SH3D19: variants seen among roughly 807,000 people sequenced by gnomAD.
SH3D19 encodes the protein SH3 domain containing 19.
Under a neutral mutation model 112.1 loss-of-function variants are expected in SH3D19, and 58 were observed. The observed-to-expected ratio is 0.52, with a 90% confidence interval of 0.42 to 0.64. The LOEUF (loss-of-function observed/expected upper bound fraction) is 0.64, where lower values mean the gene tolerates loss of function less well. SH3D19 is among the 30% of genes least tolerant of loss of function. SH3D19 has a pLI of 0.00. For missense variants in SH3D19, 1,090 were observed against 1,263.4 expected (o/e 0.86, Z 2.08); for synonymous variants, 391 against 448.5 (o/e 0.87, Z 1.62).
chr4:151,192,354 T>C (rs1762795954), intron 2 of SH3D19, among the ~76,000 whole-genome samples: 1 of 152,186 alleles, frequency 6.6e-6, no homozygotes, highest in Non-Finnish European at 1.5e-5. Context: ...TGCCTATCTT[T>C]TGGCTTGTTG....
intron 1 of SH3D19, chr4:151,300,670 G>A (rs1343770648): frequency 6.6e-6 from 1 of 151,684 alleles, no homozygotes; most frequent in East Asian, 1.9e-4. Context: ...GAGGTATAAT[G>A]TACAAACCAC....
At chr4:151,216,204 G>A (rs549621569) in intron 2 of SH3D19, among the ~76,000 whole-genome samples, 9 of 152,326 alleles carry the variant, frequency 5.9e-5, no homozygotes, top group Non-Finnish European at 7.3e-5. Flanking sequence ...AGGTGATTGA[G>A]CTAATGAATG....
In SH3D19 at chr4:151,325,359, G is replaced by C. The variant is rs1326093951; in HGVS notation, c.-7C>G. On this transcript the variant is annotated 5_prime_UTR_variant, in exon 1 of 20. Transcript: ENST00000604030. ...GCCGCCGGCCCTCAGCCATGGGCGA[G>C]GCGCGGGGCGCAGCCGCGGGATGGC... 1 of 1,202,236 alleles carries C rather than the reference G, an allele frequency of 8.3e-7. No individual in the cohort carries two copies. Among genetic ancestry groups the C allele is most frequent in the Admixed American group, 4.4e-5 (1 of 22,788 alleles). 74.5% of individuals were successfully genotyped at this position (1,202,236 alleles called of 1,614,324 possible).
intron 1 of SH3D19, among the ~76,000 whole-genome samples, chr4:151,242,432 A>C (rs1178496949): frequency 6.6e-6 from 1 of 152,168 alleles, no homozygotes; most frequent in Non-Finnish European, 1.5e-5. Context: ...TGAAGTTCTT[A>C]GGGGATAAAT....
chr4:151,262,705 T>TCTCTCTCTCG, intron 1 of SH3D19: 1 of 150,974 alleles, frequency 6.6e-6, no homozygotes, highest in South Asian at 2.1e-4. Context: ...TCTCTCTCTC[T>TCTCTCTCTCG]CTCTCTGGGC....
At chr4:151,270,352 A>T (rs1465237110) in intron 1 of SH3D19, among the ~76,000 whole-genome samples, 4 of 152,044 alleles carry the variant, frequency 2.6e-5, no homozygotes, top group African/African-American at 9.7e-5. Flanking sequence ...CATTAAGTGT[A>T]TGGCACCTCC....
At chr4:151,158,147 G>A (rs1756474650) in intron 9 of SH3D19, among the ~76,000 whole-genome samples, 1 of 152,120 alleles carries the variant, frequency 6.6e-6, no homozygotes, top group Non-Finnish European at 1.5e-5. Flanking sequence ...TTACTACCCT[G>A]ATCTGATCCC....
At chr4:151,311,576 C>G (rs1367262097) in intron 1 of SH3D19, among the ~76,000 whole-genome samples, 1 of 152,026 alleles carries the variant, frequency 6.6e-6, no homozygotes. Context: ...TAGTGCCTCA[C>G]GCCTGTAATC....
At chr4:151,270,021 C>A (rs748706670) in intron 1 of SH3D19, among the ~76,000 whole-genome samples, 14 of 151,986 alleles carry the variant, frequency 9.2e-5, no homozygotes, top group Non-Finnish European at 2.1e-4. Flanking sequence ...TTGCAGAATA[C>A]TTCCTGACAG....
chr4:151,169,213 T>A (rs552518884), intron 7 of SH3D19, among the ~76,000 whole-genome samples: 14 of 152,360 alleles, frequency 9.2e-5, no homozygotes, highest in Non-Finnish European at 1.5e-4. Flanking sequence ...CTCATTTTTT[T>A]AATTTTTAAT....
chr4:151,238,004 CT>C (rs1166309444), intron 1 of SH3D19, among the ~76,000 whole-genome samples: 9 of 152,200 alleles, frequency 5.9e-5, no homozygotes, highest in African/African-American at 2.2e-4. Flanking sequence ...CATTTTCCCA[CT>C]GTAGCCTCTG....
chr4:151,264,024 T>TG (rs942974566), intron 1 of SH3D19, among the ~76,000 whole-genome samples: 50 of 152,158 alleles, frequency 3.3e-4, no homozygotes, highest in Admixed American at 2.0e-3. Context: ...AGGGTGGTCT[T>TG]GAACTCCTGA....
At chr4:151,232,587 T>C (rs1040845500) in intron 1 of SH3D19, among the ~76,000 whole-genome samples, 1 of 152,186 alleles carries the variant, frequency 6.6e-6, no homozygotes, top group African/African-American at 2.4e-5. Context: ...AGTTTTCTCA[T>C]CTACAAAACA....
At chr4:151,209,018 T>C (rs905182967) in intron 2 of SH3D19, among the ~76,000 whole-genome samples, 1 of 152,112 alleles carries the variant, frequency 6.6e-6, no homozygotes, top group Admixed American at 6.5e-5. Context: ...GTCCTGTTTC[T>C]CTGGTTGAAC....
rs533904106 is a variant in SH3D19, at chr4:151,121,029, A to T, written c.*1062T>A. ...AAAGTGGTTTTTCATTCACTCTAAT[A>T]ATTGTGCAGGGATAAGCTAGAGAAA... is the stretch of plus-strand genomic sequence containing the variant. On this transcript the variant is annotated 3_prime_UTR_variant, in exon 20 of 20. Coordinates refer to ENST00000604030, the MANE Select transcript of SH3D19 (RefSeq NM_001378122.1). 6.5e-6 allele frequency: 1 copy of T among 152,786 alleles called. No individual in the cohort carries two copies. Among genetic ancestry groups the T allele is most frequent in the Non-Finnish European group, 1.5e-5 (1 of 68,032 alleles). The allele number at this position is 152,786 out of a possible 1,614,324, so 9.5% of individuals were successfully genotyped here. A position where few individuals can be genotyped will look rare whatever the true frequency, so the allele number is the denominator to read the frequency against.
chr4:151,310,810 G>A (rs543040730), intron 1 of SH3D19, among the ~76,000 whole-genome samples: 1 of 151,272 alleles, frequency 6.6e-6, no homozygotes, highest in Non-Finnish European at 1.5e-5. Flanking sequence ...GACCTTAAGC[G>A]ATCCACCCAC....
intron 1 of SH3D19, among the ~76,000 whole-genome samples, chr4:151,274,670 G>A (rs1433158052): frequency 2.0e-5 from 3 of 152,214 alleles, no homozygotes; most frequent in African/African-American, 7.2e-5. Context: ...GGTCTTCAGG[G>A]TTGTCCTATG....
At position 151,283,795 on chromosome 4, in the gene SH3D19, G is replaced by A. The variant is rs1336782112; in HGVS notation, c.112+41446C>T. Among the ~76,000 whole-genome samples the A allele has an allele frequency of 2.0e-5, 3 of 152,044 alleles. No homozygotes were observed. The East Asian group carries it at 5.8e-4, about 29-fold the overall frequency. The stretch of plus-strand genomic sequence containing the variant: ...CTCCTTGGGTTGCTAGACTTTTATA[G>A]ACCTGTATATTTTCATAAGTATATT... On this transcript the variant is annotated intron_variant, in intron 1 of 19. Transcript: ENST00000604030.
intron 13 of SH3D19, among the ~76,000 whole-genome samples, chr4:151,139,197 G>C (rs553990475): frequency 6.6e-6 from 1 of 150,836 alleles, no homozygotes; most frequent in Admixed American, 6.6e-5. Context: ...TCTGTCCCTC[G>C]GGCCGGAGTG....
Sources: gnomAD v4.1 joint callset for allele counts (sites outside exome capture counted in the v4.1 genomes callset) on GRCh38, gnomAD v4.1.1 for gene constraint, MANE v1.5 for transcripts, NCBI Gene and HGNC (gene_info 2026-07-23, HGNC 2026-07-21) for gene names.